The following NAGLU variants were observed in gnomAD, a reference collection of about 807,000 sequenced individuals.
NAGLU encodes the protein alpha-N-acetylglucosaminidase.
Under a neutral mutation model 43.4 loss-of-function variants are expected in NAGLU, and 34 were observed. The ratio of observed to expected loss-of-function variants is 0.78; its 90% CI spans 0.60 to 1.04. The LOEUF is 1.04. Among genes scored for constraint, NAGLU ranks in the 50% least tolerant of loss-of-function variants. The pLI, the probability that NAGLU is intolerant of heterozygous loss-of-function variation, is 0.00. For missense variants in NAGLU, 910 were observed against 993.7 expected (o/e 0.92, Z 1.13); for synonymous variants, 425 against 437.6 (o/e 0.97, Z 0.36).
Position 42,536,611 on chromosome 17 carries a change from A to G in NAGLU, c.339A>G (p.Pro113=). 6.7e-7 allele frequency: 1 copy of G among 1,492,004 alleles called. No individual in the cohort carries two copies. Among genetic ancestry groups the G allele is most frequent in the African/African-American group, 1.5e-5 (1 of 68,558 alleles). 92.4% of individuals were successfully genotyped at this position (1,492,004 alleles called of 1,614,324 possible). The change falls in exon 1 of 6, where the codon CCA becomes CCG. Residue 113 remains proline (P), a synonymous_variant. Transcript: ENST00000225927. ...GCTCTCAGCTGCGCCTGCCGCGGCCACTGCCAGCCGTGCCGGGGGAGCTGA... is the reference window on the plus strand; with the variant it reads ...GCTCTCAGCTGCGCCTGCCGCGGCCGCTGCCAGCCGTGCCGGGGGAGCTGA... The part of the protein sequence containing the change: ...WSGSQLRLPR[P]LPAVPGELTE...
chr17:42,537,395 C>A lies in NAGLU; in HGVS notation c.384-3C>A, dbSNP rs1216280532. ...GCGCCCCTGCTCATGACACTGCCCGCAGGTACCGCTATTACCAGAATGTGT... is the reference window on the plus strand; with the variant it reads ...GCGCCCCTGCTCATGACACTGCCCGAAGGTACCGCTATTACCAGAATGTGT... On this transcript the variant is annotated splice_polypyrimidine_tract_variant and splice_region_variant and intron_variant, in intron 1 of 5. Coordinates refer to ENST00000225927, the MANE Select transcript of NAGLU (RefSeq NM_000263.4). 1.2e-6 allele frequency: 2 copies of A among 1,614,156 alleles called. No homozygotes were observed. The highest frequency in any genetic ancestry group is 1.7e-5 in the Admixed American group (1 of 60,036).
chr17:42,543,990 C>G lies in NAGLU; in HGVS notation c.1984C>G (p.Gln662Glu). The change falls in exon 6 of 6, where the codon CAG (glutamine) becomes GAG (glutamate). Residue 662 changes from glutamine (Q) to glutamate (E), a missense_variant. Coordinates refer to ENST00000225927, the MANE Select transcript of NAGLU (RefSeq NM_000263.4). ...CAACATCCTGGACTATGCCAACAAG[C>G]AGCTGGCGGGGTTGGTGGCCAACTA... ...EGNILDYANK[Q>E]LAGLVANYYT... 3.7e-6 allele frequency: 6 copies of G among 1,610,776 alleles called. No individual in the cohort carries two copies. In the South Asian group the frequency reaches 6.6e-5, roughly 18 times the overall value.
Position 42,536,420 on chromosome 17 carries a change from G to T in NAGLU, c.148G>T (p.Val50Leu). The T allele has an allele frequency of 8.0e-7, 1 of 1,249,796 alleles. No individual in the cohort carries two copies. The highest frequency in any genetic ancestry group is 1.0e-6 in the Non-Finnish European group (1 of 987,576). 77.4% of individuals were successfully genotyped at this position (1,249,796 alleles called of 1,614,324 possible). The stretch of plus-strand genomic sequence containing the variant: ...GCCAGGCCCCGCGGCCGACTTCTCC[G>T]TGTCGGTGGAGCGCGCTCTGGCTGC... Reference protein sequence around the residue: ...LGPGPAADFSVSVERALAAKP... With the variant: ...LGPGPAADFSLSVERALAAKP... The change falls in exon 1 of 6, where the codon GTG becomes TTG. Residue 50 changes from valine (V) to leucine (L), a missense_variant. Coordinates refer to ENST00000225927, the MANE Select transcript of NAGLU (RefSeq NM_000263.4).
chr17:42,543,169 A>T lies in NAGLU; in HGVS notation c.1163A>T (p.Gln388Leu). Residue 388 changes from glutamine to leucine, a missense_variant, in exon 6 of 6, where the codon CAG (glutamine) becomes CTG (leucine). Physicochemically the swap from Gln to Leu is moderately radical, Grantham distance 113. Transcript: ENST00000225927. ...GTTCTGGACCTGTTTGCTGAGAGCC[A>T]GCCTGTGTATACCCGCACTGCCTCC... The part of the protein sequence containing the change: ...LLVLDLFAES[Q>L]PVYTRTASFQ... The T allele has an allele frequency of 6.2e-7, 1 of 1,614,164 alleles. No individual in the cohort carries two copies. The highest frequency in any genetic ancestry group is 8.5e-7 in the Non-Finnish European group (1 of 1,180,034).
rs189591353 is a variant in NAGLU at position 42,536,926 on chromosome 17, G to A, written c.383+271G>A. ...GAATTTGTGGTGCACAATTGGTGAT[G>A]AGTGAATTTTCTTGCCTTCCTCCCC... On this transcript the variant is annotated intron_variant, in intron 1 of 5. Coordinates refer to ENST00000225927, the MANE Select transcript of NAGLU (RefSeq NM_000263.4). 30 of 676,872 alleles carry A rather than the reference G, an allele frequency of 4.4e-5. No homozygotes were observed. In the African/African-American group the frequency reaches 4.7e-4, roughly 11 times the overall value. 41.9% of individuals were successfully genotyped at this position (676,872 alleles called of 1,614,324 possible).
Position 42,544,105 on chromosome 17 carries a change from A to ATG in NAGLU, c.2101_2102dup (p.Phe702SerfsTer106). 1 of 1,614,074 alleles carries ATG rather than the reference A, an allele frequency of 6.2e-7. No homozygotes were observed. The highest frequency in any genetic ancestry group is 1.1e-5 in the South Asian group (1 of 91,062). ...TTCCAACAGCACCAGTTTGACAAAA[A>ATG]TGTCTTCCAACTGGAGCAGGCCTTC... On this transcript the variant is annotated frameshift_variant, in exon 6 of 6. Transcript: ENST00000225927. LOFTEE classifies it low-confidence loss of function (END_TRUNC).
chr17:42,537,149 A>T (rs1024329756), intron 1 of NAGLU: 5 of 539,146 alleles, frequency 9.3e-6, no homozygotes, highest in African/African-American at 1.9e-5. Context: ...GCAGTGTGGC[A>T]TGAAAGTGGA....
intron 2 of NAGLU, among the ~76,000 whole-genome samples, 177 bp downstream of exon 2, chr17:42,537,722 C>T (rs1022225692): frequency 6.6e-6 from 1 of 152,124 alleles, no homozygotes; most frequent in African/African-American, 2.4e-5. Context: ...TCACGCCTGT[C>T]ATCCCAGCAC....
chr17:42,544,292 G>A lies in NAGLU; in HGVS notation c.*54G>A. 18 of 1,599,736 alleles carry A rather than the reference G, an allele frequency of 1.1e-5. No individual in the cohort carries two copies. Among genetic ancestry groups the A allele is most frequent in the South Asian group, 2.2e-5 (2 of 90,786 alleles). ...CCGCTAATTCCAGGGCAGATTCCAG[G>A]GCCCAGAGCTGGACAGACATCACAG... is the stretch of plus-strand genomic sequence containing the variant. On this transcript the variant is annotated 3_prime_UTR_variant, in exon 6 of 6. Coordinates refer to ENST00000225927, the MANE Select transcript of NAGLU (RefSeq NM_000263.4).
intron 4 of NAGLU, among the ~76,000 whole-genome samples, chr17:42,539,106 G>C (rs568966479): frequency 3.2e-4 from 48 of 152,290 alleles, no homozygotes; most frequent in African/African-American, 1.1e-3. Flanking sequence ...TGGGTGACGA[G>C]CGAAACTCTG....
chr17:42,541,049 C>T lies in NAGLU; in HGVS notation c.864C>T (p.Phe288=). 1.9e-6 allele frequency: 3 copies of T among 1,614,200 alleles called. No individual in the cohort carries two copies. In the South Asian group the frequency reaches 3.3e-5, roughly 18 times the overall value. Residue 288 remains phenylalanine (F), a synonymous_variant, in exon 5 of 6, where the codon TTC becomes TTT. Coordinates refer to ENST00000225927, the MANE Select transcript of NAGLU (RefSeq NM_000263.4). ...TTCTGGCTCCGGAAGACCCCATATTCCCCATCATCGGGAGCCTCTTCCTGC... is the reference window on the plus strand; with the variant it reads ...TTCTGGCTCCGGAAGACCCCATATTTCCCATCATCGGGAGCCTCTTCCTGC... ...SFLLAPEDPI[F]PIIGSLFLRE...
intron 4 of NAGLU, among the ~76,000 whole-genome samples, chr17:42,540,635 G>T (rs531588432): frequency 4.7e-4 from 71 of 150,884 alleles, no homozygotes; most frequent in Admixed American, 1.3e-3. Context: ...GGCAGAGCTT[G>T]CAGTGAGCTG....
chr17:42,536,588 T>C lies in NAGLU; in HGVS notation c.316T>C (p.Ser106Pro). Residue 106 changes from serine (S) to proline (P), a missense_variant, in exon 1 of 6, where the codon TCT (serine) becomes CCT (proline). Ser to Pro is a moderately conservative substitution (Grantham distance 74). Transcript: ENST00000225927. Reference protein sequence around the residue: ...FCGCHVAWSGSQLRLPRPLPA... With the variant: ...FCGCHVAWSGPQLRLPRPLPA... ...TGGCTGCCACGTGGCCTGGTCCGGC[T>C]CTCAGCTGCGCCTGCCGCGGCCACT... 7 of 1,493,152 alleles carry C rather than the reference T, an allele frequency of 4.7e-6. No homozygotes were observed. Among genetic ancestry groups the C allele is most frequent in the Non-Finnish European group, 6.2e-6 (7 of 1,129,522 alleles). The allele number at this position is 1,493,152 out of a possible 1,614,324, so 92.5% of individuals were successfully genotyped here.
chr17:42,538,508 G>A, intron 3 of NAGLU, 23 bp downstream of exon 3: 1 of 1,613,750 alleles, frequency 6.2e-7, no homozygotes, highest in Non-Finnish European at 8.5e-7. Context: ...AAAAGGGAAG[G>A]GGCAGAATCG....
intron 5 of NAGLU, among the ~76,000 whole-genome samples, 168 bp downstream of exon 5, chr17:42,541,374 C>T (rs1262060917): frequency 6.6e-6 from 1 of 152,238 alleles, no homozygotes; most frequent in Non-Finnish European, 1.5e-5. Context: ...GTGAATCCCA[C>T]TGTGGTTGAG....
rs796052122 is a variant in NAGLU, at chr17:42,543,214, T to C, written c.1208T>C (p.Ile403Thr). The change falls in exon 6 of 6, where the codon ATC (isoleucine) becomes ACC (threonine). Residue 403 changes from isoleucine to threonine, a missense_variant. Ile to Thr is a moderately conservative substitution (Grantham distance 89). Transcript: ENST00000225927. ...RTASFQGQPF[I>T]WCMLHNFGGN... ...GCCTCCTTCCAGGGCCAGCCCTTCATCTGGTGCATGCTGCACAACTTTGGG... is the reference window on the plus strand; with the variant it reads ...GCCTCCTTCCAGGGCCAGCCCTTCACCTGGTGCATGCTGCACAACTTTGGG... 7 of 1,614,110 alleles carry C rather than the reference T, an allele frequency of 4.3e-6. No individual in the cohort carries two copies. The highest frequency in any genetic ancestry group is 5.9e-6 in the Non-Finnish European group (7 of 1,180,044).
intron 2 of NAGLU, 65 bp downstream of exon 2, chr17:42,537,610 C>G: frequency 6.3e-7 from 1 of 1,586,814 alleles, no homozygotes; most frequent in South Asian, 1.1e-5. Context: ...TGTTTTCACC[C>G]GCCCCCCAGC....
Position 42,537,463 on chromosome 17 carries a change from G to T in NAGLU, c.449G>T (p.Trp150Leu). 6.2e-7 allele frequency: 1 copy of T among 1,614,240 alleles called. No homozygotes were observed. The highest frequency in any genetic ancestry group is 8.5e-7 in the Non-Finnish European group (1 of 1,180,032). Residue 150 changes from tryptophan to leucine, a missense_variant, in exon 2 of 6, where the codon TGG becomes TTG. Trp to Leu is a moderately conservative substitution (Grantham distance 61, BLOSUM62 -2). Coordinates refer to ENST00000225927, the MANE Select transcript of NAGLU (RefSeq NM_000263.4). ...TTCGTGTGGTGGGACTGGGCCCGCT[G>T]GGAGCGAGAGATAGACTGGATGGCG... ...YSFVWWDWAR[W>L]EREIDWMALN...
Position 42,538,276 on chromosome 17 carries a change from T to TTGAATGAA in NAGLU, c.532-46_532-39dup. 1.0e-5 allele frequency: 16 copies of TTGAATGAA among 1,605,402 alleles called. 1 individual carries two copies. In the South Asian group the frequency reaches 1.4e-4, roughly 14 times the overall value. ...CAAAGAAGCAATGAGTGAATGGTTGTTGAATGAATGAATGAATGAATGAAG... is the reference window on the plus strand; with the variant it reads ...CAAAGAAGCAATGAGTGAATGGTTGTTGAATGAATGAATGAATGAATGAATGAATGAAG... On this transcript the variant is annotated intron_variant, in intron 2 of 5. Coordinates refer to ENST00000225927, the MANE Select transcript of NAGLU (RefSeq NM_000263.4).
Sources: allele counts gnomAD v4.1 joint callset (sites outside exome capture counted in the v4.1 genomes callset), GRCh38; gene constraint gnomAD v4.1.1; transcripts MANE v1.5; gene names NCBI Gene and HGNC (gene_info 2026-07-23, HGNC 2026-07-21).